ZNF407: variants seen among roughly 807,000 people sequenced by gnomAD.
ZNF407 encodes the protein zinc finger protein 407.
In ZNF407, 17 loss-of-function variants were observed where a neutral mutation model predicts 131.2. The ratio of observed to expected loss-of-function variants is 0.13; its 90% CI spans 0.09 to 0.19. ZNF407 has a LOEUF of 0.19. Ranked by LOEUF, ZNF407 falls within the 10% of genes least tolerant of loss-of-function variation. The probability of loss-of-function intolerance (pLI) is 1.00; values close to 1 mark genes in which losing one functional copy is unlikely to be tolerated. For synonymous variants in ZNF407, 1,156 were observed against 1,062.0 expected, an observed-to-expected ratio of 1.09 and a Z score of -1.72; for missense variants, 2,681 against 2,830.6, an observed-to-expected ratio of 0.95 and a Z score of 1.20.
In ZNF407 at chr18:75,064,033, G is replaced by A; in HGVS notation, c.6312G>A (p.Gln2104=). 1.2e-6 allele frequency: 2 copies of A among 1,603,450 alleles called. No homozygotes were observed. Among genetic ancestry groups the A allele is most frequent in the Non-Finnish European group, 1.7e-6 (2 of 1,175,522 alleles). ...AGQLVKDGVT[Q]VVVSEEGAVH... ...AGTTGGTCAAGGACGGTGTCACCCA[G>A]GTGGTGGTGAGCGAAGAGGGTGCCG... The change falls in exon 9 of 9, where the codon CAG becomes CAA. Residue 2104 remains glutamine, a synonymous_variant. Coordinates refer to ENST00000299687, the MANE Select transcript of ZNF407 (RefSeq NM_017757.3).
At chr18:74,756,634 A>G (rs1968970004) in intron 3 of ZNF407, among the ~76,000 whole-genome samples, 1 of 152,070 alleles carries the variant, frequency 6.6e-6, no homozygotes, top group Non-Finnish European at 1.5e-5. Flanking sequence ...TTGATTTTGT[A>G]TCTTGCAACA....
chr18:74,754,286 T>C (rs1398890599), intron 3 of ZNF407, among the ~76,000 whole-genome samples: 1 of 152,188 alleles, frequency 6.6e-6, no homozygotes, highest in African/African-American at 2.4e-5. Flanking sequence ...TGTTGATCTT[T>C]TCAAAAAACC....
chr18:74,750,598 G>A (rs191174443), intron 3 of ZNF407, among the ~76,000 whole-genome samples: 3 of 152,082 alleles, frequency 2.0e-5, no homozygotes, highest in Non-Finnish European at 1.5e-5. Context: ...GCACCGTTTG[G>A]TATTCACCCG....
chr18:74,603,715 T>G (rs761520854), intron 1 of ZNF407, among the ~76,000 whole-genome samples: 2 of 152,208 alleles, frequency 1.3e-5, no homozygotes, highest in African/African-American at 2.4e-5. Context: ...AGTTGTTGGT[T>G]TTTGTTTTAA....
intron 3 of ZNF407, among the ~76,000 whole-genome samples, chr18:74,671,075 CTG>C (rs1470962739): frequency 6.6e-6 from 1 of 152,206 alleles, no homozygotes; most frequent in African/African-American, 2.4e-5. Context: ...AACTGAAACT[CTG>C]TACCCGATAA....
At chr18:75,027,069 C>T (rs999644877) in intron 8 of ZNF407, among the ~76,000 whole-genome samples, 5 of 152,196 alleles carry the variant, frequency 3.3e-5, no homozygotes, top group Non-Finnish European at 5.9e-5. Context: ...CACAGACACT[C>T]GTGCAGGAAC....
intron 1 of ZNF407, among the ~76,000 whole-genome samples, chr18:74,608,231 G>A (rs1390183748): frequency 6.6e-6 from 1 of 152,136 alleles, no homozygotes; most frequent in Non-Finnish European, 1.5e-5. Flanking sequence ...ACATTTATTT[G>A]AATTTAACCA....
chr18:74,731,287 G>A (rs952581173), intron 3 of ZNF407, among the ~76,000 whole-genome samples: 35 of 152,282 alleles, frequency 2.3e-4, no homozygotes, highest in African/African-American at 7.7e-4. Context: ...AGACGGTACC[G>A]TTGGTAAGAT....
At chr18:74,618,749 A>C (rs1234827229) in intron 1 of ZNF407, among the ~76,000 whole-genome samples, 1 of 152,286 alleles carries the variant, frequency 6.6e-6, no homozygotes, top group African/African-American at 2.4e-5. Context: ...CTACAATTTC[A>C]CCATGCAGAG....
At chr18:74,817,339 AC>A (rs1970280886) in intron 4 of ZNF407, among the ~76,000 whole-genome samples, 1 of 152,186 alleles carries the variant, frequency 6.6e-6, no homozygotes, top group South Asian at 2.1e-4. Context: ...AAACATAATT[AC>A]AATGTCTTTC....
chr18:74,935,729 C>T (rs1972032215), intron 8 of ZNF407, among the ~76,000 whole-genome samples: 1 of 152,072 alleles, frequency 6.6e-6, no homozygotes, highest in Non-Finnish European at 1.5e-5. Flanking sequence ...GATGGAAGCA[C>T]CGAGCAGGCA....
intron 4 of ZNF407, among the ~76,000 whole-genome samples, chr18:74,866,732 G>C (rs1270616078): frequency 6.7e-6 from 1 of 148,554 alleles, no homozygotes; most frequent in African/African-American, 2.5e-5. Context: ...CCACTTGTTC[G>C]GTAGAAATAT....
chr18:75,050,724 A>G (rs1973490727), intron 8 of ZNF407, among the ~76,000 whole-genome samples: 2 of 152,212 alleles, frequency 1.3e-5, no homozygotes, highest in Non-Finnish European at 2.9e-5. Flanking sequence ...CTGAAAGAAG[A>G]CACCCTCTTT....
chr18:74,664,002 G>T lies in ZNF407; in HGVS notation c.4802+22880G>T, dbSNP rs1985827640. 2.0e-5 allele frequency among the ~76,000 whole-genome samples: 3 copies of T among 152,310 alleles called. No individual in the cohort carries two copies. In the South Asian group the frequency reaches 6.2e-4, roughly 32 times the overall value. On this transcript the variant is annotated intron_variant, in intron 3 of 8. Coordinates refer to ENST00000299687, the MANE Select transcript of ZNF407 (RefSeq NM_017757.3). ...ACAAACTATAACTGGAAATGTTTGT[G>T]CAGAGGCCAGATTAGAAGCTGTTAG...
Position 74,751,676 on chromosome 18 carries a change from T to A in ZNF407, c.4803-29752T>A, listed in dbSNP as rs7504960. On this transcript the variant is annotated intron_variant, in intron 3 of 8. Transcript: ENST00000299687. ...CTCAAAATGATGGTTTCCAGCTTCA[T>A]CCATGTCCCTACAAAGGACATGAAC... Among the ~76,000 whole-genome samples, 288 of 152,306 alleles carry A rather than the reference T, an allele frequency of 1.9e-3. 3 individuals carry two copies. The highest frequency in any genetic ancestry group is 6.7e-3 in the African/African-American group (277 of 41,562).
chr18:74,723,157 T>C lies in ZNF407; in HGVS notation c.4803-58271T>C, dbSNP rs521955. Reference sequence around the variant, plus strand: ...TTGTTTCTAAAATTCTCATTGGACTTTTACAAATATACTTTTTTTCTTATT... The same window carrying C: ...TTGTTTCTAAAATTCTCATTGGACTCTTACAAATATACTTTTTTTCTTATT... On this transcript the variant is annotated intron_variant, in intron 3 of 8. Transcript: ENST00000299687. 4.3e-3 allele frequency among the ~76,000 whole-genome samples: 649 copies of C among 152,324 alleles called. 5 individuals carry two copies. Among genetic ancestry groups the C allele is most frequent in the African/African-American group, 0.015 (618 of 41,570 alleles).
intron 4 of ZNF407, among the ~76,000 whole-genome samples, chr18:74,830,385 T>C (rs1970465967): frequency 6.6e-6 from 1 of 152,142 alleles, no homozygotes; most frequent in African/African-American, 2.4e-5. Context: ...CCGACTCAAG[T>C]GGCTCTCCCA....
chr18:74,856,371 C>T (rs151228903), intron 4 of ZNF407, among the ~76,000 whole-genome samples: 6 of 152,296 alleles, frequency 3.9e-5, no homozygotes, highest in South Asian at 2.1e-4. Flanking sequence ...TTTCCTCTCA[C>T]GCTATAAATT....
intron 3 of ZNF407, among the ~76,000 whole-genome samples, chr18:74,643,233 T>C (rs1164615058): frequency 6.6e-6 from 1 of 152,134 alleles, no homozygotes; most frequent in Non-Finnish European, 1.5e-5. Flanking sequence ...TTCATTATCA[T>C]TGATGGCTAA....
Sources: gnomAD v4.1 joint callset for allele counts (sites outside exome capture counted in the v4.1 genomes callset) on GRCh38, gnomAD v4.1.1 for gene constraint, MANE v1.5 for transcripts, NCBI Gene and HGNC (gene_info 2026-07-23, HGNC 2026-07-21) for gene names.